Variants in HSD17B12 observed in about 807,000 individuals in gnomAD.
HSD17B12 encodes very-long-chain 3-oxoacyl-CoA reductase.
Under a neutral mutation model 39.3 loss-of-function variants are expected in HSD17B12, and 32 were observed. The ratio of observed to expected loss-of-function variants is 0.81; its 90% CI spans 0.61 to 1.09. The LOEUF is 1.09. Among genes scored for constraint, HSD17B12 ranks in the 50% least tolerant of loss-of-function variants. The pLI, the probability that HSD17B12 is intolerant of heterozygous loss-of-function variation, is 0.00. For synonymous variants in HSD17B12, 150 were observed against 146.7 expected (o/e 1.02, Z -0.16); for missense variants, 342 against 382.9 (o/e 0.89, Z 0.89).
chr11:43,795,655 G>A (rs1950910318), intron 3 of HSD17B12, among the ~76,000 whole-genome samples: 1 of 152,134 alleles, frequency 6.6e-6, no homozygotes, highest in Admixed American at 6.6e-5. Context: ...GTCTGCATGC[G>A]ATGCATGGAA....
intron 3 of HSD17B12, among the ~76,000 whole-genome samples, chr11:43,761,428 T>C (rs1384510467): frequency 6.6e-6 from 1 of 152,238 alleles, no homozygotes; most frequent in African/African-American, 2.4e-5. Flanking sequence ...ATTTATCTAA[T>C]GATTTACCAG....
the HSD17B12 span, among the ~76,000 whole-genome samples, chr11:43,580,221 AAGG>A: frequency 6.6e-6 from 1 of 151,394 alleles, no homozygotes; most frequent in Non-Finnish European, 1.5e-5. Context: ...AGAGTGAGGG[AAGG>A]AGATCTCCTT....
chr11:43,574,320 G>A, the HSD17B12 span, among the ~76,000 whole-genome samples: 1 of 152,068 alleles, frequency 6.6e-6, no homozygotes, highest in African/African-American at 2.4e-5. Context: ...GTGTTTACTG[G>A]CATCAAAGGA....
At chr11:43,581,977 G>C in the HSD17B12 span, among the ~76,000 whole-genome samples, 1 of 152,192 alleles carries the variant, frequency 6.6e-6, no homozygotes, top group Admixed American at 6.5e-5. The surrounding 1 kb of genome is among the most constrained non-coding windows in gnomAD (Gnocchi z 4.9). Context: ...GAGGCCCTTA[G>C]TATCTTATGT....
chr11:43,827,645 G>A (rs1951258151), intron 6 of HSD17B12, among the ~76,000 whole-genome samples: 1 of 152,100 alleles, frequency 6.6e-6, no homozygotes, highest in South Asian at 2.1e-4. Context: ...AACTGCAGAT[G>A]GTTACATTTT....
At chr11:43,713,814 C>G (rs1950094301) in intron 1 of HSD17B12, among the ~76,000 whole-genome samples, 1 of 152,148 alleles carries the variant, frequency 6.6e-6, no homozygotes, top group Admixed American at 6.5e-5. Context: ...TTAATGATTG[C>G]CATTCTAACT....
At chr11:43,602,100 C>A in the HSD17B12 span, among the ~76,000 whole-genome samples, 1 of 152,226 alleles carries the variant, frequency 6.6e-6, no homozygotes, top group African/African-American at 2.4e-5. Flanking sequence ...ATTCTTCCCT[C>A]TTGACTCTGG....
At chr11:43,672,157 T>G in the HSD17B12 span, among the ~76,000 whole-genome samples, 3 of 152,262 alleles carry the variant, frequency 2.0e-5, no homozygotes, top group South Asian at 6.2e-4. Flanking sequence ...CACGCCATTC[T>G]CCTGCCTCAG....
the HSD17B12 span, among the ~76,000 whole-genome samples, chr11:43,614,250 T>G: frequency 1.3e-5 from 2 of 152,246 alleles, no homozygotes; most frequent in African/African-American, 2.4e-5. Flanking sequence ...CTTCATTTTT[T>G]GAAGTAGATT....
chr11:43,783,641 A>C (rs1040712974), intron 3 of HSD17B12, among the ~76,000 whole-genome samples: 2 of 150,274 alleles, frequency 1.3e-5, no homozygotes, highest in Non-Finnish European at 3.0e-5. Flanking sequence ...TCATTGTTCA[A>C]CTCCCACTTA....
chr11:43,563,146 C>A, the HSD17B12 span, among the ~76,000 whole-genome samples: 1 of 152,158 alleles, frequency 6.6e-6, no homozygotes, highest in Admixed American at 6.5e-5. Flanking sequence ...CTAGCCCCTA[C>A]GGACTTATTA....
chr11:43,776,981 C>T (rs527742847), intron 3 of HSD17B12, among the ~76,000 whole-genome samples: 1 of 152,228 alleles, frequency 6.6e-6, no homozygotes, highest in African/African-American at 2.4e-5. Context: ...GTTTTGGTAC[C>T]AGTACCATGC....
At chr11:43,853,474 A>G (rs952781292) in intron 9 of HSD17B12, 2 of 152,124 alleles carry the variant, frequency 1.3e-5, no homozygotes, top group African/African-American at 4.8e-5. Flanking sequence ...ATGTGTTAGA[A>G]CCATTCCTTT....
intron 1 of HSD17B12, among the ~76,000 whole-genome samples, chr11:43,687,155 T>A (rs981638393): frequency 1.3e-5 from 2 of 152,338 alleles, no homozygotes; most frequent in East Asian, 3.9e-4. Context: ...TTAAAAACAG[T>A]GCATCCTTTA....
intron 1 of HSD17B12, among the ~76,000 whole-genome samples, chr11:43,690,400 A>ATTTTTTTTTTTTTT (rs1565049826): frequency 1.1e-4 from 3 of 27,164 alleles, no homozygotes; most frequent in African/African-American, 2.3e-4. Flanking sequence ...ATATATATAT[A>ATTTTTTTTTTTTTT]TATATTTTTT....
chr11:43,809,470 A>G (rs889340395), intron 4 of HSD17B12, among the ~76,000 whole-genome samples: 5 of 152,228 alleles, frequency 3.3e-5, no homozygotes, highest in African/African-American at 4.8e-5. Flanking sequence ...TAAAGTATAC[A>G]TTTTAAAAAT....
intron 1 of HSD17B12, among the ~76,000 whole-genome samples, chr11:43,723,221 G>A (rs1008880863): frequency 6.6e-6 from 1 of 152,090 alleles, no homozygotes. Flanking sequence ...GTAACATAAG[G>A]CAAGATTGAA....
At chr11:43,666,104 T>C in the HSD17B12 span, among the ~76,000 whole-genome samples, 1 of 152,178 alleles carries the variant, frequency 6.6e-6, no homozygotes, top group African/African-American at 2.4e-5. Flanking sequence ...ACTCCAGTCA[T>C]GCTACTCTTT....
the HSD17B12 span, among the ~76,000 whole-genome samples, chr11:43,650,942 T>C: frequency 6.6e-6 from 1 of 152,182 alleles, no homozygotes; most frequent in Non-Finnish European, 1.5e-5. Context: ...CTCAGTTGGA[T>C]TGAAAAAACA....
Sources: gnomAD v4.1 joint callset for allele counts (sites outside exome capture counted in the v4.1 genomes callset) on GRCh38, gnomAD v4.1.1 for gene constraint, Gnocchi (gnomAD v3.1) non-coding constraint, MANE v1.5 for transcripts, NCBI Gene and HGNC (gene_info 2026-07-23, HGNC 2026-07-21) for gene names.